CDH26: variants seen among roughly 807,000 people sequenced by gnomAD.
CDH26 encodes cadherin 26, also known as cadherin-like protein 26.
In CDH26, 83 loss-of-function variants were observed where a neutral mutation model predicts 90.3. The ratio of observed to expected loss-of-function variants is 0.92; its 90% CI spans 0.77 to 1.10. The LOEUF (loss-of-function observed/expected upper bound fraction) is 1.10, where lower values mean the gene tolerates loss of function less well. Ranked by LOEUF, CDH26 falls within the 50% of genes least tolerant of loss-of-function variation. The pLI, the probability that CDH26 is intolerant of heterozygous loss-of-function variation, is 0.00. For synonymous variants in CDH26, 397 were observed against 396.3 expected (o/e 1.00, Z -0.02); for missense variants, 1,013 against 1,037.6 (o/e 0.98, Z 0.33).
At chr20:59,982,890 T>A (rs1204690811) in intron 4 of CDH26, 33 bp from the exon 5 acceptor site, 1 of 1,608,264 alleles carries the variant, frequency 6.2e-7, no homozygotes, top group African/African-American at 1.3e-5. Context: ...AGTAAATGGT[T>A]CTGCAGGATT....
chr20:59,985,040 T>C lies in CDH26; in HGVS notation c.748T>C (p.Cys250Arg). 1 of 1,614,096 alleles carries C rather than the reference T, an allele frequency of 6.2e-7. No homozygotes were observed. Among genetic ancestry groups the C allele is most frequent in the Non-Finnish European group, 8.5e-7 (1 of 1,179,946 alleles). ...TACACTGCTAATCAGAGCCAGGGAC[T>C]GTGGAGAACCGTCACTGTCATCCAC... Reference protein sequence around the residue: ...QFTLLIRARDCGEPSLSSTTT... With the variant: ...QFTLLIRARDRGEPSLSSTTT... The change falls in exon 7 of 18, where the codon TGT becomes CGT. Residue 250 changes from cysteine (C) to arginine (R), a missense_variant. Transcript: ENST00000348616.
At chr20:59,981,317 T>C (rs1169031019) in intron 4 of CDH26, among the ~76,000 whole-genome samples, 1 of 152,174 alleles carries the variant, frequency 6.6e-6, no homozygotes, top group Non-Finnish European at 1.5e-5. Flanking sequence ...ATAGGTCAAT[T>C]TGGAAAGAAC....
chr20:59,996,051 G>T lies in CDH26; in HGVS notation c.1885G>T (p.Ala629Ser), dbSNP rs775205282. ...FPVCAAFVAL[A>S]VALLFLLRCY... Reference sequence around the variant, plus strand: ...TGTCTGTGCAGCATTTGTGGCTCTGGCAGGTCAGTGGTCTGTAGGGGTGTC... The same window carrying T: ...TGTCTGTGCAGCATTTGTGGCTCTGTCAGGTCAGTGGTCTGTAGGGGTGTC... Residue 629 changes from alanine (A) to serine (S), a missense_variant, in exon 12 of 18, where the codon GCA becomes TCA. Transcript: ENST00000348616. 6.2e-7 allele frequency: 1 copy of T among 1,612,086 alleles called. No individual in the cohort carries two copies. Among genetic ancestry groups the T allele is most frequent in the Non-Finnish European group, 8.5e-7 (1 of 1,179,934 alleles).
At chr20:60,023,089 T>C (rs1389804384) in intron 7 of CDH26, among the ~76,000 whole-genome samples, 1 of 152,196 alleles carries the variant, frequency 6.6e-6, no homozygotes, top group Non-Finnish European at 1.5e-5. Context: ...CTTCTTCTAC[T>C]GGCTGGAATT....
chr20:59,997,714 C>T (rs542264642), intron 13 of CDH26, among the ~76,000 whole-genome samples: 196 of 152,352 alleles, frequency 1.3e-3, no homozygotes, highest in African/African-American at 2.0e-3. Flanking sequence ...ACAGAGGATT[C>T]GGTCACCCCA....
At chr20:59,998,372 C>G (rs2061627953) in intron 13 of CDH26, among the ~76,000 whole-genome samples, 1 of 152,220 alleles carries the variant, frequency 6.6e-6, no homozygotes, top group South Asian at 2.1e-4. Flanking sequence ...GGTTACCCTT[C>G]TTTCCCAGCA....
intron 16 of CDH26, among the ~76,000 whole-genome samples, chr20:60,005,550 C>T (rs1174873212): frequency 6.6e-6 from 1 of 151,958 alleles, no homozygotes; most frequent in Non-Finnish European, 1.5e-5. Context: ...ACATAATTGC[C>T]CCAGGCTTTA....
chr20:59,987,476 C>G lies in CDH26; in HGVS notation c.861C>G (p.Gly287=). ...AGTATAAGGTTCAGATTCCTGAAGGCCGAGCCAGCCAGGGCGTGTTGCGTC... is the reference window on the plus strand; with the variant it reads ...AGTATAAGGTTCAGATTCCTGAAGGGCGAGCCAGCCAGGGCGTGTTGCGTC... ...QENYKVQIPE[G]RASQGVLRLL... The change falls in exon 8 of 18, where the codon GGC becomes GGG. Residue 287 remains glycine, a synonymous_variant. Coordinates refer to ENST00000348616, the MANE Select transcript of CDH26 (RefSeq NM_177980.4). 6.2e-7 allele frequency: 1 copy of G among 1,612,028 alleles called. No homozygotes were observed. The highest frequency in any genetic ancestry group is 1.1e-5 in the South Asian group (1 of 90,654).
chr20:59,965,477 T>G (rs1225700676), intron 1 of CDH26, among the ~76,000 whole-genome samples: 1 of 152,258 alleles, frequency 6.6e-6, no homozygotes, highest in Non-Finnish European at 1.5e-5. Context: ...ATAGCACATA[T>G]TTTGGAAACT....
intron 4 of CDH26, among the ~76,000 whole-genome samples, chr20:59,982,415 C>A (rs888493753): frequency 1.3e-5 from 2 of 152,152 alleles, no homozygotes; most frequent in Non-Finnish European, 2.9e-5. Context: ...GCATATTTGA[C>A]GTGGACTGAC....
intron 1 of CDH26, among the ~76,000 whole-genome samples, chr20:59,962,967 T>C (rs2061095299): frequency 6.6e-6 from 1 of 152,166 alleles, no homozygotes; most frequent in Non-Finnish European, 1.5e-5. Context: ...GAGTTGCTTG[T>C]GGGAGATGCC....
intron 16 of CDH26, 32 bp from the exon 17 acceptor site, chr20:60,006,681 T>G (rs763537973): frequency 6.4e-7 from 1 of 1,555,120 alleles, no homozygotes; most frequent in African/African-American, 1.4e-5. Context: ...AGGGCTCTGC[T>G]GTGGTATGAA....
At chr20:60,007,075 G>C (rs909442013) in intron 17 of CDH26, among the ~76,000 whole-genome samples, 1 of 152,276 alleles carries the variant, frequency 6.6e-6, no homozygotes, top group East Asian at 1.9e-4. Context: ...CACATGGGAT[G>C]GAGAGAGAGA....
downstream of CDH26, among the ~76,000 whole-genome samples, chr20:60,017,644 A>G (rs201017351): frequency 1.3e-5 from 2 of 151,678 alleles, no homozygotes; most frequent in East Asian, 3.9e-4. Flanking sequence ...TCCTTCTACT[A>G]ATTTTGGGTT....
chr20:59,985,349 C>T (rs573873525), intron 7 of CDH26, among the ~76,000 whole-genome samples: 9 of 152,110 alleles, frequency 5.9e-5, no homozygotes, highest in African/African-American at 2.2e-4. Context: ...TCTAGGGAGG[C>T]CTCAGGACGC....
chr20:59,996,724 T>C lies in CDH26; in HGVS notation c.1982T>C (p.Val661Ala). The C allele has an allele frequency of 6.2e-7, 1 of 1,614,228 alleles. No homozygotes were observed. Among genetic ancestry groups the C allele is most frequent in the South Asian group, 1.1e-5 (1 of 91,086 alleles). The change falls in exon 13 of 18, where the codon GTC (valine) becomes GCC (alanine). Residue 661 changes from valine (V) to alanine (A), a missense_variant. Coordinates refer to ENST00000348616, the MANE Select transcript of CDH26 (RefSeq NM_177980.4). Reference protein sequence around the residue: ...VSNDEGHQTLVMYNAESKGTS... With the variant: ...VSNDEGHQTLAMYNAESKGTS... ...AATGATGAAGGCCACCAAACACTGG[T>C]CATGTATAATGCGGAGAGCAAAGGC...
downstream of CDH26, among the ~76,000 whole-genome samples, chr20:60,034,762 TG>T (rs1006008720): frequency 1.2e-4 from 18 of 152,220 alleles, no homozygotes; most frequent in Non-Finnish European, 2.5e-4. Context: ...AGGCCCTGTC[TG>T]TTTTACTTTC....
chr20:60,011,645 G>A (rs1456880292), intron 17 of CDH26, among the ~76,000 whole-genome samples: 2 of 152,178 alleles, frequency 1.3e-5, no homozygotes, highest in African/African-American at 2.4e-5. Context: ...TCTTGGCCGT[G>A]CTCCAGTAGA....
intron 4 of CDH26, among the ~76,000 whole-genome samples, chr20:59,981,659 A>G (rs1041981679): frequency 1.3e-5 from 2 of 152,034 alleles, no homozygotes; most frequent in South Asian, 2.1e-4. Flanking sequence ...TCTGGGTACT[A>G]TTTGTTAGTA....
Sources: gnomAD v4.1 joint callset for allele counts (sites outside exome capture counted in the v4.1 genomes callset) on GRCh38, gnomAD v4.1.1 for gene constraint, MANE v1.5 for transcripts, NCBI Gene and HGNC (gene_info 2026-07-23, HGNC 2026-07-21) for gene names.